Variants in MSRA observed in about 807,000 individuals in gnomAD.
The protein encoded by MSRA is methionine sulfoxide reductase A.
In MSRA, 54 loss-of-function variants were observed where a neutral mutation model predicts 31.3. The observed-to-expected ratio is 1.73, with a 90% confidence interval of 1.39 to 2.17. The LOEUF (loss-of-function observed/expected upper bound fraction) is 2.17. MSRA is among the 30% of genes most tolerant of loss of function. The pLI is 0.00. For missense variants in MSRA, 507 were observed against 300.9 expected, an observed-to-expected ratio of 1.69 and a Z score of -5.07; for synonymous variants, 169 against 116.5, an observed-to-expected ratio of 1.45 and a Z score of -2.90.
At chr8:10,324,452 C>T (rs1199931897) in intron 5 of MSRA, among the ~76,000 whole-genome samples, 2 of 152,146 alleles carry the variant, frequency 1.3e-5, no homozygotes, top group Non-Finnish European at 1.5e-5. Flanking sequence ...GGCCACGGAA[C>T]ATGGGTTCCT....
chr8:10,419,451 C>G (rs778736673), intron 5 of MSRA, among the ~76,000 whole-genome samples: 26 of 152,116 alleles, frequency 1.7e-4, no homozygotes, highest in Non-Finnish European at 2.6e-4. Flanking sequence ...AGTAAGGTCC[C>G]TAACTGCTTT....
chr8:10,343,505 T>C (rs1803573545), intron 5 of MSRA, among the ~76,000 whole-genome samples: 2 of 152,184 alleles, frequency 1.3e-5, no homozygotes, highest in Non-Finnish European at 2.9e-5. Context: ...TCCCCCAAAG[T>C]GGAATGTCTG....
chr8:10,104,125 G>T (rs1407649266), intron 1 of MSRA, among the ~76,000 whole-genome samples: 1 of 152,074 alleles, frequency 6.6e-6, no homozygotes, highest in Admixed American at 6.6e-5. Context: ...GTGGATGGGC[G>T]TTTAGGGATC....
At chr8:10,420,228 C>G (rs1274230878) in intron 5 of MSRA, among the ~76,000 whole-genome samples, 1 of 151,712 alleles carries the variant, frequency 6.6e-6, no homozygotes, top group East Asian at 1.9e-4. Flanking sequence ...CTAGAGGAGT[C>G]AAATTCAGAG....
intron 4 of MSRA, among the ~76,000 whole-genome samples, chr8:10,318,462 A>G (rs1016939424): frequency 2.0e-5 from 3 of 152,204 alleles, no homozygotes; most frequent in African/African-American, 4.8e-5. Context: ...TGTGGAGGCT[A>G]CAGTTGACAC....
chr8:10,364,728 C>T (rs1045577743), intron 5 of MSRA, among the ~76,000 whole-genome samples: 1 of 152,180 alleles, frequency 6.6e-6, no homozygotes, highest in Non-Finnish European at 1.5e-5. Context: ...ACAGTTCATT[C>T]CCTCGGCAGA....
At chr8:10,138,357 C>T (rs1049997825) in intron 1 of MSRA, among the ~76,000 whole-genome samples, 2 of 152,028 alleles carry the variant, frequency 1.3e-5, no homozygotes, top group African/African-American at 4.8e-5. Context: ...GTGGATGTCA[C>T]AGTGAAGGGA....
At chr8:10,342,330 A>T (rs1189674442) in intron 5 of MSRA, among the ~76,000 whole-genome samples, 1 of 152,208 alleles carries the variant, frequency 6.6e-6, no homozygotes, top group Non-Finnish European at 1.5e-5. Flanking sequence ...AAATTAAAAA[A>T]ACCCGAACAC....
At chr8:10,379,255 C>A (rs144738988) in intron 5 of MSRA, among the ~76,000 whole-genome samples, 1 of 152,208 alleles carries the variant, frequency 6.6e-6, no homozygotes, top group Non-Finnish European at 1.5e-5. Context: ...AATGCCTAAC[C>A]TTCCCTGTAA....
chr8:10,058,165 G>A (rs534997042), intron 1 of MSRA, among the ~76,000 whole-genome samples: 2 of 152,056 alleles, frequency 1.3e-5, no homozygotes, highest in East Asian at 1.9e-4. Context: ...AACAGATGTA[G>A]AGCACCATCA....
intron 3 of MSRA, among the ~76,000 whole-genome samples, chr8:10,266,272 T>C (rs1798743387): frequency 1.3e-5 from 2 of 152,256 alleles, no homozygotes; most frequent in Admixed American, 1.3e-4. Flanking sequence ...GCCAGTCTTT[T>C]TACTTCTAGT....
In MSRA at chr8:10,100,305, A is replaced by G. The variant is rs192779527; in HGVS notation, c.142+45647A>G. 1.9e-4 allele frequency among the ~76,000 whole-genome samples: 29 copies of G among 152,090 alleles called. 1 individual carries two copies. The highest frequency in any genetic ancestry group is 1.8e-3 in the Admixed American group (28 of 15,274). On this transcript the variant is annotated intron_variant, in intron 1 of 5. Transcript: ENST00000317173. ...AGAGGCAGAGTCAGGAGCATTGTGT[A>G]TAGTTCTGTGTCCAAGGCGGTGAGG... is the stretch of plus-strand genomic sequence containing the variant.
chr8:10,185,020 C>G (rs1280292127), intron 1 of MSRA, among the ~76,000 whole-genome samples: 1 of 152,198 alleles, frequency 6.6e-6, no homozygotes, highest in African/African-American at 2.4e-5. Flanking sequence ...AGACCCGGTT[C>G]TTAACTGTTC....
chr8:10,258,183 G>T (rs1474031272), intron 3 of MSRA, among the ~76,000 whole-genome samples: 3 of 152,158 alleles, frequency 2.0e-5, no homozygotes, highest in African/African-American at 4.8e-5. Context: ...TAATTAGTAA[G>T]CGGCAGAGCC....
chr8:10,095,905 A>G (rs1799126301), intron 1 of MSRA: 2 of 1,314,208 alleles, frequency 1.5e-6, no homozygotes, highest in Non-Finnish European at 9.8e-7. Flanking sequence ...ACCATGAGAG[A>G]CAGGATTAAT....
At chr8:10,197,246 A>G (rs549907722) in intron 1 of MSRA, among the ~76,000 whole-genome samples, 46 of 152,342 alleles carry the variant, frequency 3.0e-4, no homozygotes, top group African/African-American at 1.0e-3. Flanking sequence ...TTAATGTAAT[A>G]TTATATGCTT....
At chr8:10,060,247 A>C (rs1027323694) in intron 1 of MSRA, among the ~76,000 whole-genome samples, 4 of 152,236 alleles carry the variant, frequency 2.6e-5, no homozygotes, top group African/African-American at 7.2e-5. Context: ...CATAAATTAC[A>C]GTTCATTGTC....
rs143269526 is a variant in MSRA, at chr8:10,293,867, G to A, written c.332-7667G>A. ...CTGAGAGCTGGCTACTCAGGGATCT[G>A]TGGCGCTCTAGACCAGTGGTTCACA... On this transcript the variant is annotated intron_variant, in intron 3 of 5. Coordinates refer to ENST00000317173, the MANE Select transcript of MSRA (RefSeq NM_012331.5). Among the ~76,000 whole-genome samples the A allele has an allele frequency of 4.6e-3, 702 of 152,278 alleles. 6 individuals are homozygous for A. Among genetic ancestry groups the A allele is most frequent in the South Asian group, 0.016 (76 of 4,822 alleles).
chr8:10,075,298 T>C (rs1297713727), intron 1 of MSRA, among the ~76,000 whole-genome samples: 1 of 152,186 alleles, frequency 6.6e-6, no homozygotes, highest in African/African-American at 2.4e-5. Flanking sequence ...TATTTGGAAG[T>C]TGTGTGTTCA....
Sources: gnomAD v4.1 joint callset for allele counts (sites outside exome capture counted in the v4.1 genomes callset) on GRCh38, gnomAD v4.1.1 for gene constraint, MANE v1.5 for transcripts, NCBI Gene and HGNC (gene_info 2026-07-23, HGNC 2026-07-21) for gene names.